The following RHBDL1 variants were observed in gnomAD, a reference collection of about 807,000 sequenced individuals.
RHBDL1 encodes the protein rhomboid like 1, also known as rhomboid-related protein 1.
A neutral mutation model predicts 34.0 loss-of-function variants in RHBDL1; 21 were observed. That is an observed-to-expected ratio of 0.62 (90% CI 0.44 to 0.89). The LOEUF (loss-of-function observed/expected upper bound fraction) is 0.89, where lower values mean the gene tolerates loss of function less well. RHBDL1 is among the 40% of genes least tolerant of loss of function. The pLI is 0.00. For synonymous variants in RHBDL1, 268 were observed against 234.8 expected, an observed-to-expected ratio of 1.14 and a Z score of -1.29; for missense variants, 450 against 530.6, an observed-to-expected ratio of 0.85 and a Z score of 1.49.
At position 677,582 on chromosome 16, in the gene RHBDL1, G is replaced by C. The variant is rs571887287; in HGVS notation, c.789+23G>C. On this transcript the variant is annotated intron_variant, in intron 6 of 7. Coordinates refer to ENST00000352681, the MANE Select transcript of RHBDL1 (RefSeq NM_001278720.2). ...ATGGTAACGGGCCTGCCCGGTGGGG[G>C]GCGTGGGGAGGGGCCCCAGGTGAGC... The C allele has an allele frequency of 2.5e-6, 4 of 1,607,276 alleles. No homozygotes were observed. The South Asian group carries it at 4.4e-5, about 18-fold the overall frequency.
At position 677,629 on chromosome 16, in the gene RHBDL1, A is replaced by C. The variant is rs1389872614; in HGVS notation, c.790-10A>C. 6.3e-7 allele frequency: 1 copy of C among 1,596,146 alleles called. No homozygotes were observed. Among genetic ancestry groups the C allele is most frequent in the South Asian group, 1.1e-5 (1 of 88,532 alleles). Reference sequence around the variant, plus strand: ...GAGCCTCACCACTTCTCGTCTGCACACACCCATAGAACTGGGCTGGGATGA... The same window carrying C: ...GAGCCTCACCACTTCTCGTCTGCACCCACCCATAGAACTGGGCTGGGATGA... On this transcript the variant is annotated splice_polypyrimidine_tract_variant and intron_variant, in intron 6 of 7. Transcript: ENST00000352681.
chr16:677,750 G>C, intron 7 of RHBDL1, 31 bp from the exon 8 acceptor site: 1 of 1,521,222 alleles, frequency 6.6e-7, no homozygotes, highest in Non-Finnish European at 8.8e-7. Flanking sequence ...CTGCAGCCAG[G>C]GCACCTCCCA....
chr16:676,227 C>G lies in RHBDL1; in HGVS notation c.40-109C>G, dbSNP rs1229844425. 1 of 1,548,306 alleles carries G rather than the reference C, an allele frequency of 6.5e-7. No homozygotes were observed. The highest frequency in any genetic ancestry group is 2.4e-5 in the East Asian group (1 of 41,312). ...AACAGACAGGCACGGGGCCCCTGTC[C>G]CAAAAGTGCTGGGAGCCTGAGCCTG... On this transcript the variant is annotated intron_variant, in intron 1 of 7. Coordinates refer to ENST00000352681, the MANE Select transcript of RHBDL1 (RefSeq NM_001278720.2). The surrounding 1 kb of genome is among the most constrained non-coding windows in gnomAD (Gnocchi z 6.9).
In RHBDL1 at chr16:675,780, G is replaced by A. The variant is rs2039521855; in HGVS notation, c.-11G>A. On this transcript the variant is annotated 5_prime_UTR_variant, in exon 1 of 8. Transcript: ENST00000352681. ...CCGCCGACCCCGGACCCCGGCCCCC[G>A]GCCAGGCTCTATGGACAGGAGCTCG... 4 of 1,464,434 alleles carry A rather than the reference G, an allele frequency of 2.7e-6. No individual in the cohort carries two copies. The highest frequency in any genetic ancestry group is 2.7e-6 in the Non-Finnish European group (3 of 1,108,596). The allele number at this position is 1,464,434 out of a possible 1,614,324, so 90.7% of individuals were successfully genotyped here.
chr16:675,931 C>T (rs1596542704), intron 1 of RHBDL1, 102 bp downstream of exon 1: 9 of 1,402,944 alleles, frequency 6.4e-6, no homozygotes, highest in Middle Eastern at 1.8e-4. Context: ...AAGCCCCGCT[C>T]GGTACCTACC....
At chr16:677,152 C>G in intron 4 of RHBDL1, 33 bp downstream of exon 4, 2 of 1,583,170 alleles carry the variant, frequency 1.3e-6, no homozygotes, top group Non-Finnish European at 1.7e-6. Context: ...GAGCCCCGCC[C>G]CAACCTGCCA....
Position 676,651 on chromosome 16 carries a change from C to T in RHBDL1, c.202-21C>T, listed in dbSNP as rs1330580016. 2 of 1,607,736 alleles carry T rather than the reference C, an allele frequency of 1.2e-6. No individual in the cohort carries two copies. The highest frequency in any genetic ancestry group is 1.1e-5 in the South Asian group (1 of 91,016). On this transcript the variant is annotated intron_variant, in intron 2 of 7. Coordinates refer to ENST00000352681, the MANE Select transcript of RHBDL1 (RefSeq NM_001278720.2). This position sits in a 1 kb window ranked among gnomAD's most constrained non-coding sequence, Gnocchi z 6.9. ...GTGCCATGGGGAGGTCCGTGGCCCA[C>T]ACTCAGGCCCCTGCCCCCAGATCAG...
In RHBDL1 at chr16:678,101, C is replaced by T. The variant is rs762388309; in HGVS notation, c.*49C>T. On this transcript the variant is annotated 3_prime_UTR_variant, in exon 8 of 8. Coordinates refer to ENST00000352681, the MANE Select transcript of RHBDL1 (RefSeq NM_001278720.2). Reference sequence around the variant, plus strand: ...CCAGGGCTCGGGCATGTGGTGGCCGCCCACCAGGGGCCTTCACGTCTGCCC... The same window carrying T: ...CCAGGGCTCGGGCATGTGGTGGCCGTCCACCAGGGGCCTTCACGTCTGCCC... 1 of 1,491,676 alleles carries T rather than the reference C, an allele frequency of 6.7e-7. No individual in the cohort carries two copies. The highest frequency in any genetic ancestry group is 8.9e-7 in the Non-Finnish European group (1 of 1,127,298). The allele number at this position is 1,491,676 out of a possible 1,614,324, so 92.4% of individuals were successfully genotyped here. A position where few individuals can be genotyped will look rare whatever the true frequency, so the allele number is the denominator to read the frequency against.
rs1430163480 is a variant in RHBDL1, at chr16:677,534, C to G, written c.764C>G (p.Ser255Trp). Residue 255 changes from serine to tryptophan, a missense_variant, in exon 6 of 8, where the codon TCG (serine) becomes TGG (tryptophan). Transcript: ENST00000352681. The stretch of plus-strand genomic sequence containing the variant: ...TCCGGCGGGGTCTACGCCCTGTGCT[C>G]GGCACACCTGGCCAACGTTGTCATG... ...GGSGGVYALCSAHLANVVMNW... is the reference protein window; with the variant it reads ...GGSGGVYALCWAHLANVVMNW... The G allele has an allele frequency of 1.9e-6, 3 of 1,610,030 alleles. No individual in the cohort carries two copies. Among genetic ancestry groups the G allele is most frequent in the Non-Finnish European group, 2.5e-6 (3 of 1,179,546 alleles).
chr16:676,646 G>A lies in RHBDL1; in HGVS notation c.202-26G>A, dbSNP rs1386751553. 1.2e-6 allele frequency: 2 copies of A among 1,606,076 alleles called. No homozygotes were observed. The highest frequency in any genetic ancestry group is 2.7e-5 in the African/African-American group (2 of 74,906). ...CAGGGGTGCCATGGGGAGGTCCGTG[G>A]CCCACACTCAGGCCCCTGCCCCCAG... On this transcript the variant is annotated intron_variant, in intron 2 of 7. Coordinates refer to ENST00000352681, the MANE Select transcript of RHBDL1 (RefSeq NM_001278720.2). The surrounding 1 kb of genome is among the most constrained non-coding windows in gnomAD (Gnocchi z 6.9).
At position 678,076 on chromosome 16, in the gene RHBDL1, C is replaced by T; in HGVS notation, c.*24C>T. On this transcript the variant is annotated 3_prime_UTR_variant, in exon 8 of 8. Transcript: ENST00000352681. Reference sequence around the variant, plus strand: ...GACCGGCTACCTGAGGCTGCACAGGCCAGGGCTCGGGCATGTGGTGGCCGC... The same window carrying T: ...GACCGGCTACCTGAGGCTGCACAGGTCAGGGCTCGGGCATGTGGTGGCCGC... 2.0e-6 allele frequency: 3 copies of T among 1,526,996 alleles called. No homozygotes were observed. The highest frequency in any genetic ancestry group is 2.6e-6 in the Non-Finnish European group (3 of 1,141,882). 94.6% of individuals were successfully genotyped at this position (1,526,996 alleles called of 1,614,324 possible).
intron 4 of RHBDL1, 42 bp from the exon 5 acceptor site, chr16:677,234 G>T (rs1289341306): frequency 6.4e-7 from 1 of 1,553,702 alleles, no homozygotes; most frequent in African/African-American, 1.4e-5. Context: ...GGGCCGGATG[G>T]CTGACCCCAC....
chr16:677,169 C>T, intron 4 of RHBDL1, 50 bp downstream of exon 4: 1 of 1,581,840 alleles, frequency 6.3e-7, no homozygotes, highest in Non-Finnish European at 8.6e-7. Flanking sequence ...GCCATTACAT[C>T]AGAAAGGCTT....
chr16:677,524 G>A lies in RHBDL1; in HGVS notation c.754G>A (p.Ala252Thr), dbSNP rs779974156. The change falls in exon 6 of 8, where the codon GCC becomes ACC. Residue 252 changes from alanine to threonine, a missense_variant. Coordinates refer to ENST00000352681, the MANE Select transcript of RHBDL1 (RefSeq NM_001278720.2). The stretch of plus-strand genomic sequence containing the variant: ...GGTGGGAGGCTCCGGCGGGGTCTAC[G>A]CCCTGTGCTCGGCACACCTGGCCAA... ...PVVGGSGGVY[A>T]LCSAHLANVV... 2.5e-6 allele frequency: 4 copies of A among 1,609,808 alleles called. No individual in the cohort carries two copies. Among genetic ancestry groups the A allele is most frequent in the African/African-American group, 1.3e-5 (1 of 75,022 alleles).
Position 677,282 on chromosome 16 carries a change from G to A in RHBDL1, c.582G>A (p.Glu194=). ...LTYMFMHVGL[E]QLGFNALLQL... ...TTTGCTTCCCTGTGGCCAGGCTGGA[G>A]CAGCTGGGGTTCAACGCCCTCCTGC... The change falls in exon 5 of 8, where the codon GAG becomes GAA. Residue 194 remains glutamate (E), a synonymous_variant. Transcript: ENST00000352681. 6.4e-7 allele frequency: 1 copy of A among 1,564,660 alleles called. No individual in the cohort carries two copies. Among genetic ancestry groups the A allele is most frequent in the Admixed American group, 1.9e-5 (1 of 52,854 alleles).
Position 676,931 on chromosome 16 carries a change from G to T in RHBDL1, c.426+35G>T, listed in dbSNP as rs375272159. The T allele has an allele frequency of 3.1e-6, 5 of 1,611,140 alleles. No homozygotes were observed. The Admixed American group carries it at 8.3e-5, about 27-fold the overall frequency. On this transcript the variant is annotated intron_variant, in intron 3 of 7. Coordinates refer to ENST00000352681, the MANE Select transcript of RHBDL1 (RefSeq NM_001278720.2). This position sits in a 1 kb window ranked among gnomAD's most constrained non-coding sequence, Gnocchi z 6.9. Reference sequence around the variant, plus strand: ...CCGGCCGCTGCCCCGGGAGCCTCCCGCGCTCCTGGCCATGACCAGCCTAAC... The same window carrying T: ...CCGGCCGCTGCCCCGGGAGCCTCCCTCGCTCCTGGCCATGACCAGCCTAAC...
Position 675,849 on chromosome 16 carries a change from G to T in RHBDL1, c.39+20G>T, listed in dbSNP as rs1335171871. 4 of 1,511,866 alleles carry T rather than the reference G, an allele frequency of 2.6e-6. No homozygotes were observed. Among genetic ancestry groups the T allele is most frequent in the Non-Finnish European group, 3.5e-6 (4 of 1,132,084 alleles). 93.7% of individuals were successfully genotyped at this position (1,511,866 alleles called of 1,614,324 possible). A position where few individuals can be genotyped will look rare whatever the true frequency, so the allele number is the denominator to read the frequency against. On this transcript the variant is annotated intron_variant, in intron 1 of 7. Coordinates refer to ENST00000352681, the MANE Select transcript of RHBDL1 (RefSeq NM_001278720.2). Reference sequence around the variant, plus strand: ...GAGCAGGTGCGTCGGGGGGTGGTCTGGGGAGCTGGCACCGCCCCCAATGCG... The same window carrying T: ...GAGCAGGTGCGTCGGGGGGTGGTCTTGGGAGCTGGCACCGCCCCCAATGCG...
rs1179267969 is a variant in RHBDL1, at chr16:676,776, G to A, written c.306G>A (p.Lys102=). Reference sequence around the variant, plus strand: ...ATGAGCCAGGCCTAGGTGTCTACAAGCGGTTTGTGCGTTACGTGGCCTACG... The same window carrying A: ...ATGAGCCAGGCCTAGGTGTCTACAAACGGTTTGTGCGTTACGTGGCCTACG... ...PLDEPGLGVY[K]RFVRYVAYEI... Residue 102 remains lysine, a synonymous_variant, in exon 3 of 8, where the codon AAG becomes AAA. Coordinates refer to ENST00000352681, the MANE Select transcript of RHBDL1 (RefSeq NM_001278720.2). The surrounding 1 kb of genome is among the most constrained non-coding windows in gnomAD (Gnocchi z 6.9). 6.2e-7 allele frequency: 1 copy of A among 1,611,296 alleles called. No homozygotes were observed. The highest frequency in any genetic ancestry group is 8.5e-7 in the Non-Finnish European group (1 of 1,179,676).
At position 676,072 on chromosome 16, in the gene RHBDL1, G is replaced by C; in HGVS notation, c.39+243G>C. On this transcript the variant is annotated intron_variant, in intron 1 of 7. Coordinates refer to ENST00000352681, the MANE Select transcript of RHBDL1 (RefSeq NM_001278720.2). The surrounding 1 kb of genome is among the most constrained non-coding windows in gnomAD (Gnocchi z 6.9). Reference sequence around the variant, plus strand: ...AGGGAGGGAGGGCGGGCAGCTGGCTGGTCTTGGACCTTGGCCCTCGCTTTC... The same window carrying C: ...AGGGAGGGAGGGCGGGCAGCTGGCTCGTCTTGGACCTTGGCCCTCGCTTTC... The C allele has an allele frequency of 1.4e-6, 2 of 1,437,334 alleles. No individual in the cohort carries two copies. The highest frequency in any genetic ancestry group is 1.8e-6 in the Non-Finnish European group (2 of 1,091,224). The allele number at this position is 1,437,334 out of a possible 1,614,324, so 89.0% of individuals were successfully genotyped here. A position where few individuals can be genotyped will look rare whatever the true frequency, so the allele number is the denominator to read the frequency against.
Sources: gnomAD v4.1 joint callset for allele counts on GRCh38, gnomAD v4.1.1 for gene constraint, Gnocchi (gnomAD v3.1) non-coding constraint, MANE v1.5 for transcripts, NCBI Gene and HGNC (gene_info 2026-07-23, HGNC 2026-07-21) for gene names.